The following SLAMF9 variants were observed in gnomAD, a reference collection of about 807,000 sequenced individuals.
SLAMF9 encodes the protein CD2 family member 10.
In SLAMF9, 25 loss-of-function variants were observed where a neutral mutation model predicts 30.4. That is an observed-to-expected ratio of 0.82 (90% CI 0.60 to 1.15). SLAMF9 has a LOEUF of 1.15. SLAMF9 is among the 50% of genes most tolerant of loss of function. The pLI, the probability that SLAMF9 is intolerant of heterozygous loss-of-function variation, is 0.00. For missense variants in SLAMF9, 344 were observed against 346.1 expected (o/e 0.99, Z 0.05); for synonymous variants, 129 against 127.2 (o/e 1.01, Z -0.09).
the SLAMF9 span, chr1:159,976,960 GAGAAAGA>G: frequency 2.0e-5 from 2 of 101,804 alleles, no homozygotes; most frequent in African/African-American, 7.9e-5. Context: ...AAGAAAGAAA[GAGAAAGA>G]AAGAAGGAAA....
At chr1:159,969,172 G>C in the SLAMF9 span, among the ~76,000 whole-genome samples, 1 of 151,984 alleles carries the variant, frequency 6.6e-6, no homozygotes, top group Non-Finnish European at 1.5e-5. Flanking sequence ...TCTCTGGATG[G>C]AGGAAGAAGA....
chr1:159,967,128 A>C, the SLAMF9 span, among the ~76,000 whole-genome samples: 1 of 152,122 alleles, frequency 6.6e-6, no homozygotes, highest in Non-Finnish European at 1.5e-5. Flanking sequence ...CTTACATTAA[A>C]GTCTTTCCCG....
chr1:159,976,561 A>G, the SLAMF9 span: 1 of 152,204 alleles, frequency 6.6e-6, no homozygotes, highest in African/African-American at 2.4e-5. Context: ...AAAAAATTTA[A>G]TGCATTTACT....
At chr1:159,975,008 G>C in the SLAMF9 span, among the ~76,000 whole-genome samples, 1 of 152,112 alleles carries the variant, frequency 6.6e-6, no homozygotes, top group Non-Finnish European at 1.5e-5. Flanking sequence ...ACCAACCACA[G>C]AGCACTTGGG....
intron 2 of SLAMF9, 27 bp from the exon 3 acceptor site, chr1:159,952,561 C>A: frequency 6.2e-7 from 1 of 1,607,340 alleles, no homozygotes; most frequent in Non-Finnish European, 8.5e-7. Context: ...CACAAAGACC[C>A]TCTAAACAAT....
At chr1:159,960,095 A>T in the SLAMF9 span, among the ~76,000 whole-genome samples, 5 of 151,504 alleles carry the variant, frequency 3.3e-5, no homozygotes, top group Admixed American at 3.3e-4. Context: ...TACATGTGCC[A>T]TGTTGGTGTG....
upstream of SLAMF9, among the ~76,000 whole-genome samples, chr1:159,959,027 C>T (rs1386856085): frequency 2.0e-5 from 3 of 152,116 alleles, no homozygotes; most frequent in Admixed American, 2.0e-4. Context: ...AGGCTAGAGG[C>T]TGGTAGTCGG....
the SLAMF9 span, among the ~76,000 whole-genome samples, chr1:159,963,898 A>C: frequency 6.6e-6 from 1 of 152,086 alleles, no homozygotes; most frequent in Non-Finnish European, 1.5e-5. Flanking sequence ...ATCTCTACTA[A>C]ATATACAAAA....
intron 2 of SLAMF9, 110 bp from the exon 3 acceptor site, chr1:159,952,644 C>G: frequency 8.4e-7 from 1 of 1,196,732 alleles, no homozygotes; most frequent in Non-Finnish European, 1.2e-6. Context: ...GCCCCTGCAC[C>G]TAAACAACAA....
chr1:159,960,507 C>G, the SLAMF9 span, among the ~76,000 whole-genome samples: 26 of 148,664 alleles, frequency 1.7e-4, no homozygotes, highest in African/African-American at 6.3e-4. Flanking sequence ...GATCTGTTGC[C>G]AAGGCTTCAG....
chr1:159,983,611 G>A, the SLAMF9 span: 1 of 152,192 alleles, frequency 6.6e-6, no homozygotes, highest in Admixed American at 6.5e-5. Context: ...ACTATTGTTA[G>A]GAAGGAAACA....
the SLAMF9 span, among the ~76,000 whole-genome samples, chr1:159,978,255 A>G: frequency 2.8e-4 from 42 of 152,284 alleles, no homozygotes; most frequent in African/African-American, 9.6e-4. Flanking sequence ...AGAAGAAGCA[A>G]GCAGGACAAG....
At chr1:159,969,809 G>A in the SLAMF9 span, among the ~76,000 whole-genome samples, 1 of 152,160 alleles carries the variant, frequency 6.6e-6, no homozygotes, top group Non-Finnish European at 1.5e-5. Context: ...TTGGGAGCCC[G>A]AGGCAGGCAG....
the SLAMF9 span, among the ~76,000 whole-genome samples, chr1:159,970,843 A>C: frequency 1.3e-5 from 2 of 152,246 alleles, no homozygotes; most frequent in African/African-American, 4.8e-5. Context: ...CACAGAATAC[A>C]ATGAAAGCTG....
At chr1:159,958,958 C>G (rs981569215), upstream of SLAMF9, among the ~76,000 whole-genome samples, 3 of 152,258 alleles carry the variant, frequency 2.0e-5, no homozygotes, top group East Asian at 5.8e-4. Flanking sequence ...ATGTAATATT[C>G]AAAATTCCAA....
At chr1:159,970,406 C>T in the SLAMF9 span, among the ~76,000 whole-genome samples, 4 of 152,218 alleles carry the variant, frequency 2.6e-5, no homozygotes, top group Non-Finnish European at 5.9e-5. Flanking sequence ...TGTTCATTAT[C>T]ATCGCACAGT....
chr1:159,955,960 T>C (rs1651914204), upstream of SLAMF9, among the ~76,000 whole-genome samples: 1 of 152,228 alleles, frequency 6.6e-6, no homozygotes, highest in Non-Finnish European at 1.5e-5. Flanking sequence ...GTAATAAATC[T>C]GTTTAACAAA....
chr1:159,972,831 G>A, the SLAMF9 span: 1 of 924,834 alleles, frequency 1.1e-6, no homozygotes, highest in East Asian at 3.1e-5. Context: ...CACAGGATGG[G>A]ACACAGGAGC....
chr1:159,972,000 A>G, the SLAMF9 span, among the ~76,000 whole-genome samples: 114 of 152,288 alleles, frequency 7.5e-4, no homozygotes, highest in Non-Finnish European at 1.5e-3. Flanking sequence ...AGAACAGCAT[A>G]CAGACCCATG....
Sources: allele counts gnomAD v4.1 joint callset (sites outside exome capture counted in the v4.1 genomes callset), GRCh38; gene constraint gnomAD v4.1.1; transcripts MANE v1.5; gene names NCBI Gene and HGNC (gene_info 2026-07-23, HGNC 2026-07-21).